AFP: variants seen among roughly 807,000 people sequenced by gnomAD.
The protein encoded by AFP is alpha fetoprotein.
AFP carries 64 observed loss-of-function variants against 78.9 expected under a neutral mutation model. The observed-to-expected ratio is 0.81, with a 90% CI of 0.66 to 1.00. The LOEUF is 1.00. Ranked by LOEUF, AFP falls within the 50% of genes least tolerant of loss-of-function variation. The pLI is 0.00. For missense variants in AFP, 689 were observed against 703.8 expected, an observed-to-expected ratio of 0.98 and a Z score of 0.24; for synonymous variants, 254 against 243.8, an observed-to-expected ratio of 1.04 and a Z score of -0.39.
chr4:73,447,661 A>G lies in AFP; in HGVS notation c.1043A>G (p.Asn348Ser). The change falls in exon 8 of 15, where the codon AAT becomes AGT. Residue 348 changes from asparagine (N) to serine (S), a missense_variant. Coordinates refer to ENST00000395792, the MANE Select transcript of AFP (RefSeq NM_001134.3). ...AACCAATTTTCTTCAGGGGAAAAAA[A>G]TATCTTCTTGGCAAGGTAACACACT... ...DFNQFSSGEK[N>S]IFLASFVHEY... 6.2e-7 allele frequency: 1 copy of G among 1,610,352 alleles called. No individual in the cohort carries two copies. Among genetic ancestry groups the G allele is most frequent in the Non-Finnish European group, 8.5e-7 (1 of 1,178,516 alleles).
rs762514616 is a variant in AFP at position 73,436,336 on chromosome 4, A to G, written c.74A>G (p.Glu25Gly). The stretch of plus-strand genomic sequence containing the variant: ...GAATCCAGAACACTGCATAGAAATG[A>G]ATATGGAATAGGTGAGATATTTTGT... The part of the protein sequence containing the change: ...FTESRTLHRN[E>G]YGIASILDSY... Residue 25 changes from glutamate to glycine, a missense_variant, in exon 1 of 15, where the codon GAA (glutamate) becomes GGA (glycine). Glu to Gly is a moderately conservative substitution (Grantham distance 98). Transcript: ENST00000395792. 3 of 1,578,310 alleles carry G rather than the reference A, an allele frequency of 1.9e-6. No homozygotes were observed. Among genetic ancestry groups the G allele is most frequent in the South Asian group, 2.3e-5 (2 of 87,314 alleles).
chr4:73,449,615 C>CTGCTGACTGCT, intron 9 of AFP, 148 bp downstream of exon 9: 2 of 937,894 alleles, frequency 2.1e-6, no homozygotes, highest in Non-Finnish European at 3.3e-6. Flanking sequence ...TATTAACTAG[C>CTGCTGACTGCT]AGTCAGCAGC....
intron 8 of AFP, among the ~76,000 whole-genome samples, chr4:73,449,038 A>G (rs896877801): frequency 6.6e-6 from 1 of 152,142 alleles, no homozygotes; most frequent in Non-Finnish European, 1.5e-5. Context: ...CAATGCTAGC[A>G]AAGAGTGGAC....
intron 5 of AFP, 130 bp downstream of exon 5, chr4:73,442,558 G>A: frequency 9.1e-7 from 1 of 1,101,826 alleles, no homozygotes; most frequent in South Asian, 1.3e-5. Context: ...TAGTTCAGCA[G>A]TCTGATATTC....
intron 14 of AFP, 55 bp downstream of exon 14, chr4:73,455,345 A>G (rs1720126243): frequency 2.2e-6 from 3 of 1,364,832 alleles, no homozygotes; most frequent in Admixed American, 1.7e-5. Context: ...AGAAATATCA[A>G]TCCATAATGA....
Position 73,447,569 on chromosome 4 carries a change from A to G in AFP, c.951A>G (p.Ala317=), listed in dbSNP as rs925113628. The G allele has an allele frequency of 1.2e-6, 2 of 1,612,798 alleles. No individual in the cohort carries two copies. Among genetic ancestry groups the G allele is most frequent in the Non-Finnish European group, 1.7e-6 (2 of 1,179,740 alleles). The change falls in exon 8 of 15, where the codon GCA becomes GCG. Residue 317 remains alanine, a synonymous_variant. Transcript: ENST00000395792. ...TLERGQCIIH[A]ENDEKPEGLS... ...AACGTGGTCAATGTATAATTCATGCAGAAAATGATGAAAAACCTGAAGGTC... is the reference window on the plus strand; with the variant it reads ...AACGTGGTCAATGTATAATTCATGCGGAAAATGATGAAAAACCTGAAGGTC...
chr4:73,440,085 CG>C (rs1272754781), intron 3 of AFP, among the ~76,000 whole-genome samples: 1 of 151,962 alleles, frequency 6.6e-6, no homozygotes, highest in African/African-American at 2.4e-5. Context: ...CTGGTGTACA[CG>C]GGCAGGATGA....
At chr4:73,438,089 A>G in intron 2 of AFP, 85 bp from the exon 3 acceptor site, 1 of 1,568,228 alleles carries the variant, frequency 6.4e-7, no homozygotes, top group African/African-American at 1.4e-5. Flanking sequence ...TAGAAAACAA[A>G]ACAAACAAAT....
chr4:73,450,683 A>C lies in AFP; in HGVS notation c.1358A>C (p.Lys453Thr). The change falls in exon 11 of 15, where the codon AAA becomes ACA. Residue 453 changes from lysine (K) to threonine (T), a missense_variant. Transcript: ENST00000395792. ...TSSELMAITR[K>T]MAATAATCCQ... ...TCGGAGCTGATGGCCATCACCAGAA[A>C]AATGGCAGCCACAGCAGCCACTTGT... 6.2e-7 allele frequency: 1 copy of C among 1,614,172 alleles called. No homozygotes were observed. The highest frequency in any genetic ancestry group is 1.1e-5 in the South Asian group (1 of 91,080).
rs1720146978 is a variant in AFP, at chr4:73,455,941, C to G, written c.*321C>G. ...TTACAGCACTAGATCACTTGGTGAACTGAAAAATGTTCCCAAGTTAAACAC... is the reference window on the plus strand; with the variant it reads ...TTACAGCACTAGATCACTTGGTGAAGTGAAAAATGTTCCCAAGTTAAACAC... On this transcript the variant is annotated 3_prime_UTR_variant, in exon 15 of 15. Coordinates refer to ENST00000395792, the MANE Select transcript of AFP (RefSeq NM_001134.3). 2.9e-6 allele frequency: 1 copy of G among 347,188 alleles called. No individual in the cohort carries two copies. The allele number at this position is 347,188 out of a possible 1,614,324, so 21.5% of individuals were successfully genotyped here.
intron 7 of AFP, among the ~76,000 whole-genome samples, chr4:73,446,431 T>G (rs1173809532): frequency 1.3e-5 from 2 of 152,212 alleles, no homozygotes; most frequent in African/African-American, 4.8e-5. Context: ...AGCTGAATAA[T>G]GGGTTCTAAT....
intron 1 of AFP, 134 bp from the exon 2 acceptor site, chr4:73,437,026 T>A (rs1719528552): frequency 4.3e-6 from 3 of 702,928 alleles, no homozygotes; most frequent in Non-Finnish European, 7.5e-6. Flanking sequence ...TTAAGATGCT[T>A]AGGTTATCCC....
chr4:73,454,145 G>A (rs534409827), intron 13 of AFP, among the ~76,000 whole-genome samples: 15 of 151,804 alleles, frequency 9.9e-5, no homozygotes, highest in Non-Finnish European at 1.8e-4. Context: ...TCCTAGTAGA[G>A]AAACCCATAA....
intron 2 of AFP, among the ~76,000 whole-genome samples, chr4:73,437,711 A>G (rs1719547285): frequency 6.6e-6 from 1 of 152,072 alleles, no homozygotes; most frequent in Non-Finnish European, 1.5e-5. Context: ...CTCCTTGCAC[A>G]TCCAAACCTG....
intron 10 of AFP, 27 bp from the exon 11 acceptor site, chr4:73,450,588 G>C (rs551669412): frequency 1.2e-6 from 2 of 1,613,872 alleles, no homozygotes; most frequent in Non-Finnish European, 8.5e-7. Flanking sequence ...GACTCAGCAG[G>C]ACTTAGTTAA....
At position 73,450,126 on chromosome 4, in the gene AFP, C is replaced by T. The variant is rs1423183809; in HGVS notation, c.1282C>T (p.Gln428Ter). The T allele has an allele frequency of 1.2e-6, 2 of 1,609,716 alleles. No homozygotes were observed. Among genetic ancestry groups the T allele is most frequent in the Non-Finnish European group, 8.5e-7 (1 of 1,176,382 alleles). The change falls in exon 10 of 15, where the codon CAA becomes TAA. Residue 428 changes from glutamine to a stop codon, truncating the protein, a stop_gained. Transcript: ENST00000395792. LOFTEE classifies it high-confidence loss of function. ...LFQKLGEYYL[Q>*]NAFLVAYTKK... is the part of the protein sequence containing the mutation. ...CCAGAAACTAGGAGAATATTACTTA[C>T]AAAATGCGTATGTTTTTGTAAACAG...
At chr4:73,437,033 T>C in intron 1 of AFP, 127 bp from the exon 2 acceptor site, 3 of 733,128 alleles carry the variant, frequency 4.1e-6, no homozygotes, top group Non-Finnish European at 7.2e-6. Context: ...GCTTAGGTTA[T>C]CCCTAATGTT....
intron 7 of AFP, among the ~76,000 whole-genome samples, chr4:73,446,834 T>TA (rs1719843351): frequency 6.6e-6 from 1 of 152,208 alleles, no homozygotes; most frequent in African/African-American, 2.4e-5. Context: ...GGTTTTCAAT[T>TA]AAAATAACAT....
chr4:73,438,507 T>C (rs910712973), intron 3 of AFP, among the ~76,000 whole-genome samples: 17 of 152,116 alleles, frequency 1.1e-4, no homozygotes, highest in Non-Finnish European at 1.9e-4. Flanking sequence ...CATATAAATA[T>C]GATGACTGAG....
Sources: allele counts gnomAD v4.1 joint callset (sites outside exome capture counted in the v4.1 genomes callset), GRCh38; gene constraint gnomAD v4.1.1; transcripts MANE v1.5; gene names NCBI Gene and HGNC (gene_info 2026-07-23, HGNC 2026-07-21).